SGCZ: variants seen among roughly 807,000 people sequenced by gnomAD.
The protein encoded by SGCZ is zeta-sarcoglycan.
In SGCZ, 40 loss-of-function variants were observed where a neutral mutation model predicts 41.3. The observed-to-expected ratio is 0.97, with a 90% confidence interval of 0.75 to 1.26. The LOEUF (loss-of-function observed/expected upper bound fraction) is 1.26, where lower values mean the gene tolerates loss of function less well. Among genes scored for constraint, SGCZ ranks in the 50% most tolerant of loss-of-function variants. The pLI is 0.00. For synonymous variants in SGCZ, 206 were observed against 137.5 expected (o/e 1.50, Z -3.49); for missense variants, 552 against 369.8 (o/e 1.49, Z -4.04).
Position 14,852,095 on chromosome 8 carries a change from C to T in SGCZ, c.40-297169G>A, listed in dbSNP as rs142413285. Among the ~76,000 whole-genome samples the T allele has an allele frequency of 5.0e-4, 76 of 152,204 alleles. 1 individual carries two copies. The East Asian group carries it at 0.014, about 28-fold the overall frequency. On this transcript the variant is annotated intron_variant, in intron 1 of 7. Transcript: ENST00000382080. Reference sequence around the variant, plus strand: ...AGTTAGTACACTGTTGGTCCCTAAACTTCTTTGATCAAATTATTATTTTTT... The same window carrying T: ...AGTTAGTACACTGTTGGTCCCTAAATTTCTTTGATCAAATTATTATTTTTT...
intron 4 of SGCZ, 87 bp downstream of exon 4, chr8:14,237,505 C>A: frequency 2.8e-6 from 3 of 1,079,986 alleles, no homozygotes; most frequent in Non-Finnish European, 4.1e-6. Flanking sequence ...ACAACAACAA[C>A]AACGACAACA....
intron 4 of SGCZ, among the ~76,000 whole-genome samples, chr8:14,195,314 A>T (rs1003542021): frequency 6.6e-6 from 1 of 152,146 alleles, no homozygotes; most frequent in African/African-American, 2.4e-5. Context: ...AAGGGTTGAC[A>T]GCAGATTAGA....
intron 5 of SGCZ, among the ~76,000 whole-genome samples, chr8:14,162,946 T>C (rs1189034659): frequency 1.3e-5 from 2 of 152,184 alleles, no homozygotes; most frequent in African/African-American, 4.8e-5. Context: ...TCTTGGCTCA[T>C]TGCAGCCTTG....
rs1171459912 is a variant in SGCZ, at chr8:14,182,204, G to T, written c.425-17502C>A. On this transcript the variant is annotated intron_variant, in intron 4 of 7. Coordinates refer to ENST00000382080, the MANE Select transcript of SGCZ (RefSeq NM_139167.4). ...CAAAATCTAGAGAACAGTATGGATTGTAGTGCTACAGATTCCACACAAGTT... is the reference window on the plus strand; with the variant it reads ...CAAAATCTAGAGAACAGTATGGATTTTAGTGCTACAGATTCCACACAAGTT... 2.6e-5 allele frequency among the ~76,000 whole-genome samples: 4 copies of T among 152,232 alleles called. 1 individual carries two copies. In the East Asian group the frequency reaches 7.8e-4, roughly 30 times the overall value.
intron 3 of SGCZ, among the ~76,000 whole-genome samples, chr8:14,270,351 A>C (rs1031445183): frequency 7.2e-5 from 11 of 152,144 alleles, no homozygotes; most frequent in African/African-American, 2.6e-4. Context: ...ATTAATTAAA[A>C]AATTAAATCT....
chr8:15,195,755 A>C (rs1563177983), intron 1 of SGCZ, among the ~76,000 whole-genome samples: 1 of 152,198 alleles, frequency 6.6e-6, no homozygotes, highest in Admixed American at 6.5e-5. Context: ...ATCTAAAAAA[A>C]ACTTACCTCC....
chr8:14,175,800 T>C (rs2117010156), intron 4 of SGCZ, among the ~76,000 whole-genome samples: 1 of 152,184 alleles, frequency 6.6e-6, no homozygotes, highest in Middle Eastern at 3.4e-3. Context: ...TAGCTGGATA[T>C]AAAACCAAAT....
intron 1 of SGCZ, among the ~76,000 whole-genome samples, chr8:14,574,398 G>C (rs1438251277): frequency 1.3e-5 from 2 of 151,966 alleles, no homozygotes; most frequent in African/African-American, 4.8e-5. Flanking sequence ...AAAGCATAAA[G>C]GTATTACTCT....
intron 1 of SGCZ, among the ~76,000 whole-genome samples, chr8:15,076,403 A>G (rs1379141388): frequency 6.6e-6 from 1 of 152,202 alleles, no homozygotes; most frequent in South Asian, 2.1e-4. Context: ...GAAAACTGTG[A>G]TTGCAGAAAG....
chr8:14,876,007 G>T (rs970559918), intron 1 of SGCZ, among the ~76,000 whole-genome samples: 1 of 152,064 alleles, frequency 6.6e-6, no homozygotes, highest in African/African-American at 2.4e-5. Flanking sequence ...TGGGAACTCT[G>T]GTAATTAACA....
At chr8:14,736,374 G>A (rs553722174) in intron 1 of SGCZ, among the ~76,000 whole-genome samples, 9 of 152,016 alleles carry the variant, frequency 5.9e-5, no homozygotes, top group South Asian at 2.1e-4. Flanking sequence ...TTTATTAGTC[G>A]TTAGTTGTTG....
chr8:14,380,163 T>C (rs1804306094), intron 2 of SGCZ, among the ~76,000 whole-genome samples: 2 of 152,344 alleles, frequency 1.3e-5, no homozygotes, highest in African/African-American at 4.8e-5. Context: ...AATTGATATA[T>C]GCAAGCTTTA....
intron 1 of SGCZ, among the ~76,000 whole-genome samples, chr8:15,081,036 G>C (rs1805728947): frequency 6.6e-6 from 1 of 152,088 alleles, no homozygotes; most frequent in African/African-American, 2.4e-5. Flanking sequence ...CCAACACCTT[G>C]ATCTTCGACC....
intron 5 of SGCZ, among the ~76,000 whole-genome samples, chr8:14,164,276 G>A (rs1804137862): frequency 6.6e-6 from 1 of 151,804 alleles, no homozygotes; most frequent in Non-Finnish European, 1.5e-5. Context: ...ATTATTATTT[G>A]TTAGTCCCCT....
At chr8:14,942,097 C>T (rs942625603) in intron 1 of SGCZ, among the ~76,000 whole-genome samples, 14 of 151,996 alleles carry the variant, frequency 9.2e-5, no homozygotes, top group African/African-American at 3.1e-4. Context: ...CCCTGAAGCT[C>T]GCCTGTTTCC....
intron 1 of SGCZ, among the ~76,000 whole-genome samples, chr8:14,846,049 A>T (rs1470758121): frequency 2.0e-5 from 3 of 152,202 alleles, no homozygotes; most frequent in Non-Finnish European, 4.4e-5. Flanking sequence ...AAGCAAAAAC[A>T]GAAAGAAGAA....
At chr8:14,917,091 G>A (rs1296520470) in intron 1 of SGCZ, among the ~76,000 whole-genome samples, 2 of 151,950 alleles carry the variant, frequency 1.3e-5, no homozygotes, top group Admixed American at 1.3e-4. Flanking sequence ...ATATGTCCTG[G>A]TATACTCTGC....
At chr8:14,363,119 C>A (rs534872734) in intron 2 of SGCZ, among the ~76,000 whole-genome samples, 92 of 152,148 alleles carry the variant, frequency 6.0e-4, no homozygotes, top group African/African-American at 2.1e-3. Context: ...GGTCTAAATG[C>A]AAAATCATCC....
chr8:14,640,703 T>C (rs893459545), intron 1 of SGCZ, among the ~76,000 whole-genome samples: 8 of 151,572 alleles, frequency 5.3e-5, no homozygotes, highest in African/African-American at 1.9e-4. Context: ...GAGTTTTAAC[T>C]TTTACTTGAA....
Sources: gnomAD v4.1 joint callset for allele counts (sites outside exome capture counted in the v4.1 genomes callset) on GRCh38, gnomAD v4.1.1 for gene constraint, MANE v1.5 for transcripts, NCBI Gene and HGNC (gene_info 2026-07-23, HGNC 2026-07-21) for gene names.